FANCI: variants seen among roughly 807,000 people sequenced by gnomAD.
FANCI encodes Fanconi anemia group I protein.
A neutral mutation model predicts 176.1 loss-of-function variants in FANCI; 156 were observed. That is an observed-to-expected ratio of 0.89 (90% confidence interval 0.78 to 1.01). The LOEUF (loss-of-function observed/expected upper bound fraction) is 1.01. Among genes scored for constraint, FANCI ranks in the 50% least tolerant of loss-of-function variants. The pLI is 0.00. For synonymous variants in FANCI, 613 were observed against 541.7 expected, an observed-to-expected ratio of 1.13 and a Z score of -1.83; for missense variants, 1,678 against 1,534.1, an observed-to-expected ratio of 1.09 and a Z score of -1.57.
chr15:89,274,350 G>C (rs2053321635), intron 12 of FANCI, 46 bp downstream of exon 12: 1 of 1,606,558 alleles, frequency 6.2e-7, no homozygotes. Context: ...GGTGTTTAAT[G>C]TTAGAAAATG....
At chr15:89,313,023 A>C (rs2055032466) in intron 35 of FANCI, 51 bp downstream of exon 35, 1 of 1,543,530 alleles carries the variant, frequency 6.5e-7, no homozygotes, top group South Asian at 1.1e-5. Context: ...GAACCCGAAA[A>C]CATGAAGCGG....
At chr15:89,287,475 C>A (rs1323326969) in intron 18 of FANCI, among the ~76,000 whole-genome samples, 1 of 151,768 alleles carries the variant, frequency 6.6e-6, no homozygotes, top group African/African-American at 2.4e-5. Flanking sequence ...CTAAAACTTT[C>A]TTCACATCAG....
rs373508270 is a variant in FANCI, at chr15:89,314,668, G to A, written c.3777G>A (p.Gln1259=). 8.1e-6 allele frequency: 13 copies of A among 1,614,124 alleles called. No individual in the cohort carries two copies. Among genetic ancestry groups the A allele is most frequent in the Non-Finnish European group, 1.1e-5 (13 of 1,179,972 alleles). Residue 1259 remains glutamine (Q), a synonymous_variant, in exon 36 of 38, where the codon CAG becomes CAA. Coordinates refer to ENST00000310775, the MANE Select transcript of FANCI (RefSeq NM_001113378.2). ...CTAACCTCATCTTTGCCATAGAACA[G>A]TATGAAAAATTTCTCATCCACCTTT... ...PIPNLIFAIE[Q]YEKFLIHLSK...
chr15:89,261,480 G>C (rs551363247), intron 4 of FANCI, 105 bp from the exon 5 acceptor site: 1 of 1,406,758 alleles, frequency 7.1e-7, no homozygotes, highest in East Asian at 2.3e-5. Flanking sequence ...ACCAGTTCTG[G>C]ATCTCGGTCA....
intron 27 of FANCI, among the ~76,000 whole-genome samples, chr15:89,301,883 C>T (rs144534529): frequency 5.3e-5 from 8 of 152,194 alleles, no homozygotes; most frequent in African/African-American, 1.9e-4. Flanking sequence ...GGAGGAAATT[C>T]AACCAAAGAT....
intron 24 of FANCI, among the ~76,000 whole-genome samples, chr15:89,296,244 G>A (rs189032985): frequency 6.8e-6 from 1 of 147,160 alleles, no homozygotes; most frequent in Non-Finnish European, 1.5e-5. Context: ...GTTTACAGGC[G>A]TGAGCCACTG....
chr15:89,253,064 A>G (rs2052332492), intron 2 of FANCI, among the ~76,000 whole-genome samples: 1 of 152,228 alleles, frequency 6.6e-6, no homozygotes, highest in African/African-American at 2.4e-5. Context: ...ACTTTTATAA[A>G]TAAGAGTGCA....
intron 10 of FANCI, 109 bp downstream of exon 10, chr15:89,268,634 C>T: frequency 1.4e-6 from 2 of 1,395,654 alleles, no homozygotes; most frequent in Non-Finnish European, 2.0e-6. Context: ...TAAAATGACC[C>T]TGGGTGTGGA....
At chr15:89,278,632 T>C (rs968742658) in intron 13 of FANCI, 55 bp from the exon 14 acceptor site, 14 of 1,336,486 alleles carry the variant, frequency 1.0e-5, no homozygotes, top group Non-Finnish European at 1.5e-5. Context: ...TGCATTGATA[T>C]ACTTAAAAGC....
At chr15:89,296,415 G>T (rs201472626) in intron 24 of FANCI, among the ~76,000 whole-genome samples, 8 of 109,396 alleles carry the variant, frequency 7.3e-5, no homozygotes, top group African/African-American at 2.4e-4. Context: ...TTGTTTTTTC[G>T]TTTTTTTTGT....
intron 7 of FANCI, 110 bp from the exon 8 acceptor site, chr15:89,263,793 T>G (rs2151296001): frequency 7.6e-7 from 1 of 1,314,530 alleles, no homozygotes; most frequent in East Asian, 2.4e-5. Context: ...CAAGTTTCAT[T>G]TCTTAAAATA....
intron 18 of FANCI, among the ~76,000 whole-genome samples, chr15:89,286,541 AT>A (rs2053823919): frequency 6.6e-6 from 1 of 152,186 alleles, no homozygotes; most frequent in Non-Finnish European, 1.5e-5. Context: ...GAGCAGTAAT[AT>A]TTTGAGAAGA....
intron 14 of FANCI, among the ~76,000 whole-genome samples, chr15:89,279,687 CT>C (rs1351653382): frequency 1.3e-5 from 2 of 152,074 alleles, no homozygotes; most frequent in African/African-American, 4.8e-5. Flanking sequence ...CTTTTCATTG[CT>C]CCTATTTCCA....
In FANCI at chr15:89,261,633, A is replaced by G. The variant is rs766158703; in HGVS notation, c.337A>G (p.Ile113Val). 1 of 1,614,072 alleles carries G rather than the reference A, an allele frequency of 6.2e-7. No individual in the cohort carries two copies. Among genetic ancestry groups the G allele is most frequent in the African/African-American group, 1.3e-5 (1 of 74,938 alleles). Residue 113 changes from isoleucine to valine, a missense_variant, in exon 5 of 38, where the codon ATT (isoleucine) becomes GTT (valine). Physicochemically the swap from Ile to Val is conservative, Grantham distance 29. Around this residue, in one of 3 missense-constraint regions of FANCI, gnomAD observed 469 missense variants for 436.9 expected, o/e 1.07. Transcript: ENST00000310775. ...PLLVELANEF[I>V]SAVREGSLVN... The stretch of plus-strand genomic sequence containing the variant: ...ATTGGTTGAATTAGCCAATGAGTTT[A>G]TTAGTGCTGTCAGAGAAGGCAGCCT...
chr15:89,301,086 G>T (rs895380151), intron 26 of FANCI, among the ~76,000 whole-genome samples: 5 of 152,220 alleles, frequency 3.3e-5, no homozygotes, highest in African/African-American at 1.2e-4. Flanking sequence ...TCTACATTTT[G>T]CATGGGGTTG....
Position 89,303,882 on chromosome 15 carries a change from T to C in FANCI, c.3025T>C (p.Trp1009Arg). ...SSPQFVQMLS[W>R]TSKICKENSR... is the part of the protein sequence containing the mutation. Reference sequence around the variant, plus strand: ...AATTTAGTTTGTGCAGATGTTATCCTGGACATCAAAGATTTGCAAGGAAAA... The same window carrying C: ...AATTTAGTTTGTGCAGATGTTATCCCGGACATCAAAGATTTGCAAGGAAAA... The change falls in exon 28 of 38, where the codon TGG (tryptophan) becomes CGG (arginine). Residue 1009 changes from tryptophan to arginine, a missense_variant. Physicochemically the swap from Trp to Arg is moderately radical, Grantham distance 101 (BLOSUM62 -3). This residue lies in a region of FANCI where 1,204 missense variants were observed against 1,077.4 expected (regional missense o/e 1.12). Coordinates refer to ENST00000310775, the MANE Select transcript of FANCI (RefSeq NM_001113378.2). The C allele has an allele frequency of 1.2e-6, 2 of 1,614,084 alleles. No homozygotes were observed. The highest frequency in any genetic ancestry group is 1.1e-5 in the South Asian group (1 of 91,076).
At chr15:89,291,883 A>G (rs928522377) in intron 20 of FANCI, among the ~76,000 whole-genome samples, 169 bp downstream of exon 20, 2 of 152,180 alleles carry the variant, frequency 1.3e-5, no homozygotes, top group South Asian at 2.1e-4. Context: ...TTTTGGATCT[A>G]TTGGTAAGTT....
At chr15:89,254,892 C>T (rs74033567) in intron 2 of FANCI, among the ~76,000 whole-genome samples, 5,297 of 152,170 alleles carry the variant, frequency 0.035, 295 homozygotes, top group African/African-American at 0.12. Context: ...AAAATCATTC[C>T]TTTGCAATTG....
intron 14 of FANCI, 68 bp from the exon 15 acceptor site, chr15:89,281,102 C>T (rs967201442): frequency 1.4e-5 from 21 of 1,517,582 alleles, no homozygotes; most frequent in African/African-American, 1.2e-4. Context: ...TTTCTTTCTC[C>T]GTATTTTTCT....
Sources: gnomAD v4.1 joint callset for allele counts (sites outside exome capture counted in the v4.1 genomes callset) on GRCh38, gnomAD v4.1.1 for gene constraint, gnomAD v4.1.1 regional missense constraint, MANE v1.5 for transcripts, NCBI Gene and HGNC (gene_info 2026-07-23, HGNC 2026-07-21) for gene names.